The following RALYL variants were observed in gnomAD, a reference collection of about 807,000 sequenced individuals.
RALYL encodes RNA-binding Raly-like protein.
RALYL carries 29 observed loss-of-function variants against 35.1 expected under a neutral mutation model. The observed-to-expected ratio is 0.83, with a 90% CI of 0.61 to 1.13. The LOEUF (loss-of-function observed/expected upper bound fraction) is 1.13, where lower values mean the gene tolerates loss of function less well. Among genes scored for constraint, RALYL ranks in the 50% most tolerant of loss-of-function variants. The pLI is 0.00. For synonymous variants in RALYL, 120 were observed against 127.6 expected (o/e 0.94, Z 0.40); for missense variants, 359 against 360.4 (o/e 1.00, Z 0.03).
At chr8:84,432,247 A>G (rs1053575548) in intron 1 of RALYL, among the ~76,000 whole-genome samples, 1 of 152,154 alleles carries the variant, frequency 6.6e-6, no homozygotes, top group Non-Finnish European at 1.5e-5. Context: ...TGAATCTGGA[A>G]GCCATTATGC....
chr8:84,708,263 C>CACA (rs1841555979), intron 2 of RALYL, among the ~76,000 whole-genome samples: 1 of 152,056 alleles, frequency 6.6e-6, no homozygotes, highest in Admixed American at 6.6e-5. Context: ...ACAAATTGTA[C>CACA]TAAACCTTTG....
At chr8:84,707,125 T>C (rs1841358532) in intron 2 of RALYL, among the ~76,000 whole-genome samples, 1 of 152,164 alleles carries the variant, frequency 6.6e-6, no homozygotes, top group East Asian at 1.9e-4. Flanking sequence ...TCACCTAAGA[T>C]CTGAAAACTA....
At chr8:84,852,877 G>A (rs1836164340) in intron 5 of RALYL, among the ~76,000 whole-genome samples, 1 of 152,104 alleles carries the variant, frequency 6.6e-6, no homozygotes, top group African/African-American at 2.4e-5. Context: ...CCTGCCCTAG[G>A]TACAATGCTT....
intron 4 of RALYL, among the ~76,000 whole-genome samples, chr8:84,848,434 T>A (rs1018769762): frequency 1.5e-5 from 2 of 130,182 alleles, no homozygotes; most frequent in African/African-American, 5.0e-5. Context: ...TATGTGTGTG[T>A]GTGTATATAT....
intron 2 of RALYL, among the ~76,000 whole-genome samples, chr8:84,626,922 C>T (rs1822856572): frequency 6.6e-6 from 1 of 152,118 alleles, no homozygotes; most frequent in Non-Finnish European, 1.5e-5. Flanking sequence ...AGCCTTATTT[C>T]GTGTGACACT....
chr8:84,235,772 T>C (rs976226279), intron 1 of RALYL, among the ~76,000 whole-genome samples: 12 of 147,762 alleles, frequency 8.1e-5, no homozygotes, highest in Non-Finnish European at 1.3e-4. Flanking sequence ...TTTTTCTTTT[T>C]TTTTTTTTTT....
intron 2 of RALYL, among the ~76,000 whole-genome samples, chr8:84,755,284 A>T (rs537068235): frequency 4.6e-5 from 7 of 152,200 alleles, no homozygotes; most frequent in Non-Finnish European, 7.4e-5. Context: ...GTCTTTTTGT[A>T]TATACATGGT....
intron 1 of RALYL, among the ~76,000 whole-genome samples, chr8:84,224,980 T>A (rs1022763714): frequency 6.6e-6 from 1 of 152,170 alleles, no homozygotes; most frequent in African/African-American, 2.4e-5. Flanking sequence ...TTAAAACACT[T>A]AAGCACATGT....
intron 1 of RALYL, among the ~76,000 whole-genome samples, chr8:84,255,224 A>G (rs1830992985): frequency 6.6e-6 from 1 of 152,150 alleles, no homozygotes; most frequent in Admixed American, 6.6e-5. Context: ...GGACATAAAA[A>G]TTTAGATATA....
rs529567514 is a variant in RALYL, at chr8:84,322,167, A to C, written c.-24+137743A>C. Among the ~76,000 whole-genome samples the C allele has an allele frequency of 4.6e-5, 7 of 152,266 alleles. No homozygotes were observed. The East Asian group carries it at 1.3e-3, about 29-fold the overall frequency. The stretch of plus-strand genomic sequence containing the variant: ...ATTGACCCAAATAGCAGTATAAATC[A>C]ACTTCATCTAACTGATCTTTATAGA... On this transcript the variant is annotated intron_variant, in intron 1 of 8. Transcript: ENST00000521268.
chr8:84,863,518 G>A (rs1310512080), intron 6 of RALYL, among the ~76,000 whole-genome samples: 1 of 152,144 alleles, frequency 6.6e-6, no homozygotes, highest in Non-Finnish European at 1.5e-5. Flanking sequence ...TTTAAGACAA[G>A]TAAGGCAAAT....
chr8:84,500,364 A>C (rs954452506), intron 1 of RALYL, among the ~76,000 whole-genome samples: 1 of 152,114 alleles, frequency 6.6e-6, no homozygotes, highest in African/African-American at 2.4e-5. Context: ...ATTTACACAC[A>C]CTTATCACAT....
rs143115449 is a variant in RALYL, at chr8:84,262,756, CA to C, written c.-24+78337del. Among the ~76,000 whole-genome samples, 830 of 152,062 alleles carry C rather than the reference CA, an allele frequency of 5.5e-3. 8 individuals are homozygous for C. The highest frequency in any genetic ancestry group is 0.016 in the African/African-American group (670 of 41,482). The stretch of plus-strand genomic sequence containing the variant: ...CTTTGTTGGTTAAACTTGGCATTAC[CA>C]AAAAGGAATCAAATTGACTAAAATA... On this transcript the variant is annotated intron_variant, in intron 1 of 8. Transcript: ENST00000521268.
intron 2 of RALYL, among the ~76,000 whole-genome samples, chr8:84,637,668 A>G (rs886370809): frequency 6.6e-6 from 1 of 151,844 alleles, no homozygotes; most frequent in African/African-American, 2.4e-5. Flanking sequence ...CAAGGTCTGC[A>G]TATCTTGTTC....
intron 3 of RALYL, among the ~76,000 whole-genome samples, chr8:84,786,622 G>C (rs908402866): frequency 6.6e-6 from 1 of 152,124 alleles, no homozygotes; most frequent in African/African-American, 2.4e-5. Flanking sequence ...CTGCATAAAT[G>C]TCTTCTTTTG....
chr8:84,884,150 T>C (rs1376343747), intron 7 of RALYL, among the ~76,000 whole-genome samples: 1 of 152,076 alleles, frequency 6.6e-6, no homozygotes, highest in Non-Finnish European at 1.5e-5. Flanking sequence ...TTCAGTTTAC[T>C]AAAGATCGAC....
chr8:84,545,705 A>G (rs1033524842), intron 2 of RALYL, among the ~76,000 whole-genome samples: 1 of 152,144 alleles, frequency 6.6e-6, no homozygotes, highest in African/African-American at 2.4e-5. Flanking sequence ...CTCACATTAT[A>G]TCTTTTTTTC....
At chr8:84,333,765 G>A (rs973252293) in intron 1 of RALYL, among the ~76,000 whole-genome samples, 4 of 152,074 alleles carry the variant, frequency 2.6e-5, no homozygotes, top group Non-Finnish European at 4.4e-5. Flanking sequence ...GTCAATTGTT[G>A]CATATTTCCA....
At chr8:84,580,373 G>A (rs1810537153) in intron 2 of RALYL, among the ~76,000 whole-genome samples, 1 of 152,186 alleles carries the variant, frequency 6.6e-6, no homozygotes, top group Non-Finnish European at 1.5e-5. Flanking sequence ...GGAGGGTGCT[G>A]ACATATGCTC....
Sources: allele counts gnomAD v4.1 joint callset (sites outside exome capture counted in the v4.1 genomes callset), GRCh38; gene constraint gnomAD v4.1.1; transcripts MANE v1.5; gene names NCBI Gene and HGNC (gene_info 2026-07-23, HGNC 2026-07-21).